Variants in SAMMSON observed in about 807,000 individuals in gnomAD.
SAMMSON encodes survival associated mitochondrial melanoma specific oncogenic non-coding RNA, also known as long intergenic non-protein coding RNA 1212.
chr3:70,033,432 C>A (rs1434316044), intron 3 of SAMMSON, among the ~76,000 whole-genome samples: 5 of 151,838 alleles, frequency 3.3e-5, no homozygotes, highest in Non-Finnish European at 7.4e-5. Flanking sequence ...TCACCAAGAA[C>A]CATGGGGTGT....
chr3:70,302,400 A>G (rs1702358054), intron 7 of SAMMSON, among the ~76,000 whole-genome samples: 1 of 152,128 alleles, frequency 6.6e-6, no homozygotes, highest in African/African-American at 2.4e-5. Context: ...TGTAGAATTT[A>G]CTAGAAATGG....
chr3:70,320,532 CTTTCA>C (rs1296680999), intron 7 of SAMMSON, among the ~76,000 whole-genome samples: 2 of 152,000 alleles, frequency 1.3e-5, no homozygotes, highest in African/African-American at 2.4e-5. Context: ...TTACTCTATA[CTTTCA>C]TTTCAAGTCC....
intron 4 of SAMMSON, among the ~76,000 whole-genome samples, chr3:70,149,341 G>A (rs1191124696): frequency 1.3e-5 from 2 of 152,088 alleles, no homozygotes; most frequent in South Asian, 2.1e-4. Context: ...GTTTGCTAAT[G>A]TAAAGACGCA....
intron 7 of SAMMSON, among the ~76,000 whole-genome samples, chr3:70,296,225 C>A (rs1559557079): frequency 6.6e-6 from 1 of 152,036 alleles, no homozygotes; most frequent in Non-Finnish European, 1.5e-5. Context: ...TTTCCATGAG[C>A]CCCCAAATAA....
chr3:70,322,926 G>C (rs943911056), intron 7 of SAMMSON, among the ~76,000 whole-genome samples: 1 of 152,070 alleles, frequency 6.6e-6, no homozygotes, highest in African/African-American at 2.4e-5. Context: ...AGTTGTTAAT[G>C]TTATACAAAT....
intron 9 of SAMMSON, among the ~76,000 whole-genome samples, chr3:70,361,691 A>C (rs1702871767): frequency 6.6e-6 from 1 of 152,220 alleles, no homozygotes; most frequent in South Asian, 2.1e-4. Context: ...GATGTCATGC[A>C]TCATTTATCC....
chr3:70,028,574 A>T (rs573633326), intron 3 of SAMMSON, among the ~76,000 whole-genome samples: 2 of 152,324 alleles, frequency 1.3e-5, no homozygotes, highest in East Asian at 3.9e-4. Context: ...TAGTTGGAAA[A>T]AAATCCCTAA....
At chr3:70,058,380 T>C (rs2067175439) in intron 3 of SAMMSON, among the ~76,000 whole-genome samples, 1 of 151,966 alleles carries the variant, frequency 6.6e-6, no homozygotes, top group South Asian at 2.1e-4. Flanking sequence ...TCCAGCTGAT[T>C]CAGAACAGAT....
intron 9 of SAMMSON, among the ~76,000 whole-genome samples, chr3:70,372,626 C>G (rs1349087162): frequency 6.6e-6 from 1 of 152,070 alleles, no homozygotes; most frequent in Non-Finnish European, 1.5e-5. Flanking sequence ...GTTTTGACAG[C>G]TCTTTACATA....
chr3:70,402,907 AC>A (rs1420416018), intron 2 of SAMMSON, among the ~76,000 whole-genome samples: 3 of 151,842 alleles, frequency 2.0e-5, no homozygotes, highest in Admixed American at 1.3e-4. Context: ...ATCTCTCTCT[AC>A]CATTTATATA....
intron 2 of SAMMSON, among the ~76,000 whole-genome samples, chr3:70,415,763 T>C (rs1187405726): frequency 6.6e-6 from 1 of 152,202 alleles, no homozygotes; most frequent in Admixed American, 6.5e-5. Context: ...AATACTCCAA[T>C]CCTGCCTGGA....
intron 4 of SAMMSON, chr3:70,120,346 G>T (rs1029302640): frequency 6.6e-6 from 1 of 152,240 alleles, no homozygotes; most frequent in Non-Finnish European, 1.5e-5. Context: ...GTCAGCCAGT[G>T]CTCTGAGAGA....
chr3:70,245,927 T>G (rs560830333), intron 4 of SAMMSON, among the ~76,000 whole-genome samples: 5 of 151,540 alleles, frequency 3.3e-5, no homozygotes, highest in South Asian at 4.2e-4. Flanking sequence ...GCATATTAGA[T>G]CATCCTCTTG....
intron 3 of SAMMSON, among the ~76,000 whole-genome samples, chr3:70,028,182 C>CTTTCTTT (rs1559776272): frequency 3.5e-4 from 17 of 48,770 alleles, no homozygotes; most frequent in Non-Finnish European, 5.8e-4. Context: ...TTCCTTCCTT[C>CTTTCTTT]CTTCCTTTCT....
At chr3:70,378,603 A>G (rs1213793627) in intron 9 of SAMMSON, among the ~76,000 whole-genome samples, 2 of 152,160 alleles carry the variant, frequency 1.3e-5, no homozygotes, top group African/African-American at 4.8e-5. Flanking sequence ...TTTTATTATA[A>G]CAGTACAGTT....
intron 4 of SAMMSON, among the ~76,000 whole-genome samples, chr3:70,092,902 G>GTTTT (rs5849939): frequency 5.8e-5 from 8 of 138,166 alleles, no homozygotes; most frequent in African/African-American, 5.4e-5. Flanking sequence ...TAGTGTTTTT[G>GTTTT]TTTTTTTTTT....
intron 6 of SAMMSON, among the ~76,000 whole-genome samples, chr3:70,272,643 T>G (rs1052943727): frequency 3.3e-5 from 5 of 152,330 alleles, no homozygotes; most frequent in Admixed American, 2.0e-4. Flanking sequence ...CCCAGTCGAA[T>G]GGCAGGTGTA....
At chr3:70,155,586 A>G (rs1000307807) in intron 4 of SAMMSON, among the ~76,000 whole-genome samples, 1 of 152,092 alleles carries the variant, frequency 6.6e-6, no homozygotes, top group South Asian at 2.1e-4. Flanking sequence ...GATATATTTT[A>G]TATACTCAAG....
chr3:70,285,932 G>A (rs1377476935), intron 6 of SAMMSON, among the ~76,000 whole-genome samples: 1 of 150,822 alleles, frequency 6.6e-6, no homozygotes, highest in African/African-American at 2.4e-5. Context: ...AAATTTGTTT[G>A]AGTTCATTGT....
Sources: allele counts gnomAD v4.1 joint callset (sites outside exome capture counted in the v4.1 genomes callset), GRCh38; gene constraint gnomAD v4.1.1; transcripts MANE v1.5; gene names NCBI Gene and HGNC (gene_info 2026-07-23, HGNC 2026-07-21).